The following MNS1 variants were observed in gnomAD, a reference collection of about 807,000 sequenced individuals.
MNS1 encodes the protein meiosis-specific nuclear structural protein 1.
Under a neutral mutation model 72.0 loss-of-function variants are expected in MNS1, and 63 were observed. The ratio of observed to expected loss-of-function variants is 0.87; its 90% CI spans 0.71 to 1.08. The LOEUF is 1.08. MNS1 is among the 50% of genes least tolerant of loss of function. The probability of loss-of-function intolerance (pLI) is 0.00; values close to 1 mark genes in which losing one functional copy is unlikely to be tolerated. For missense variants in MNS1, 604 were observed against 562.4 expected (o/e 1.07, Z -0.75); for synonymous variants, 188 against 172.1 (o/e 1.09, Z -0.72).
chr15:56,452,713 T>G (rs1044647972), intron 3 of MNS1, among the ~76,000 whole-genome samples: 2 of 151,976 alleles, frequency 1.3e-5, no homozygotes, highest in African/African-American at 4.8e-5. Context: ...AGAGACGCGG[T>G]TTCACCGTGT....
intron 2 of MNS1, among the ~76,000 whole-genome samples, chr15:56,463,481 A>G (rs1285189746): frequency 2.0e-5 from 3 of 152,156 alleles, no homozygotes; most frequent in Non-Finnish European, 4.4e-5. Flanking sequence ...TTTTATAGAA[A>G]AAGCATAAAA....
chr15:56,435,830 T>C (rs773646422), intron 7 of MNS1, among the ~76,000 whole-genome samples: 7 of 151,990 alleles, frequency 4.6e-5, no homozygotes, highest in Non-Finnish European at 7.4e-5. Context: ...GAAGATAGTA[T>C]TACCCCGCTA....
intron 3 of MNS1, among the ~76,000 whole-genome samples, chr15:56,450,361 A>C (rs1402153366): frequency 6.6e-6 from 1 of 152,172 alleles, no homozygotes; most frequent in Non-Finnish European, 1.5e-5. Context: ...CACTATTTCC[A>C]AAACTTTTTC....
chr15:56,461,304 C>A (rs1331825129), intron 2 of MNS1, among the ~76,000 whole-genome samples: 1 of 151,160 alleles, frequency 6.6e-6, no homozygotes, highest in Non-Finnish European at 1.5e-5. Context: ...TTATCACAAG[C>A]CTAGAACAGT....
chr15:56,447,326 T>C (rs1424680907), intron 3 of MNS1: 6 of 158,038 alleles, frequency 3.8e-5, no homozygotes, highest in Non-Finnish European at 7.0e-5. Flanking sequence ...AGAATCAGCT[T>C]GTCAGACTTC....
chr15:56,430,847 T>G (rs1319077510), intron 9 of MNS1, among the ~76,000 whole-genome samples: 3 of 152,164 alleles, frequency 2.0e-5, no homozygotes, highest in African/African-American at 7.2e-5. Context: ...TTAGATTTCC[T>G]ACACTAAAAG....
intron 7 of MNS1, among the ~76,000 whole-genome samples, chr15:56,442,869 T>G (rs1245227250): frequency 1.3e-5 from 2 of 151,074 alleles, no homozygotes; most frequent in Non-Finnish European, 2.9e-5. Flanking sequence ...AACCAGCACA[T>G]GTACCTCCTG....
At chr15:56,442,533 G>C (rs1245798876) in intron 7 of MNS1, among the ~76,000 whole-genome samples, 1 of 152,112 alleles carries the variant, frequency 6.6e-6, no homozygotes, top group Non-Finnish European at 1.5e-5. Context: ...TGTGGTACAT[G>C]TACACCACGG....
chr15:56,443,283 A>G (rs779348690), intron 7 of MNS1, 147 bp downstream of exon 7: 7 of 517,772 alleles, frequency 1.4e-5, no homozygotes, highest in Non-Finnish European at 2.2e-5. Flanking sequence ...GCCAGCTTGA[A>G]AATTTCTGTC....
At chr15:56,464,806 C>T (rs1299319786) in intron 1 of MNS1, among the ~76,000 whole-genome samples, 164 bp downstream of exon 1, 1 of 152,174 alleles carries the variant, frequency 6.6e-6, no homozygotes, top group Admixed American at 6.5e-5. Flanking sequence ...GAAACCACCG[C>T]GAGCGTCCCT....
At chr15:56,460,839 AAGAG>A (rs1420189605) in intron 2 of MNS1, among the ~76,000 whole-genome samples, 1 of 152,192 alleles carries the variant, frequency 6.6e-6, no homozygotes, top group African/African-American at 2.4e-5. Flanking sequence ...CAAAAAATAT[AAGAG>A]AGAAATTTTG....
intron 3 of MNS1, among the ~76,000 whole-genome samples, chr15:56,449,593 C>G (rs1269530786): frequency 6.6e-6 from 1 of 152,126 alleles, no homozygotes; most frequent in East Asian, 1.9e-4. Flanking sequence ...CTGATTAAAA[C>G]AAATTGGGAA....
chr15:56,441,594 A>C (rs1300068269), intron 7 of MNS1, among the ~76,000 whole-genome samples: 1 of 152,238 alleles, frequency 6.6e-6, no homozygotes, highest in Non-Finnish European at 1.5e-5. Flanking sequence ...CTTCACAGGA[A>C]ATGAAGTTAT....
At chr15:56,436,405 C>T (rs2050725548) in intron 7 of MNS1, among the ~76,000 whole-genome samples, 1 of 152,038 alleles carries the variant, frequency 6.6e-6, no homozygotes, top group African/African-American at 2.4e-5. Flanking sequence ...TCTTTGAAAC[C>T]AATGAGAACA....
intron 8 of MNS1, among the ~76,000 whole-genome samples, chr15:56,432,849 T>C (rs2050634177): frequency 6.6e-6 from 1 of 152,172 alleles, no homozygotes; most frequent in Non-Finnish European, 1.5e-5. Flanking sequence ...ACTCCTACTT[T>C]GTATAGTTTT....
intron 4 of MNS1, among the ~76,000 whole-genome samples, chr15:56,444,995 A>C (rs993571953): frequency 3.1e-4 from 47 of 152,056 alleles, no homozygotes; most frequent in African/African-American, 1.0e-3. Flanking sequence ...TAAAGCAGTC[A>C]TTATCTTATT....
At position 56,429,197 on chromosome 15, in the gene MNS1, C is replaced by T. The variant is rs763739124; in HGVS notation, c.1396-4G>A. ...CATCCTCTTTTTTAAATACTCCCTA[C>T]GAGAAAAATACTTTGTGGGTTACTT... On this transcript the variant is annotated splice_polypyrimidine_tract_variant and splice_region_variant and intron_variant, in intron 9 of 9. Transcript: ENST00000260453. 1.2e-5 allele frequency: 19 copies of T among 1,571,862 alleles called. No homozygotes were observed. Among genetic ancestry groups the T allele is most frequent in the African/African-American group, 5.5e-5 (4 of 72,748 alleles).
chr15:56,438,408 T>G (rs1039311731), intron 7 of MNS1, among the ~76,000 whole-genome samples: 5 of 152,098 alleles, frequency 3.3e-5, no homozygotes, highest in Non-Finnish European at 5.9e-5. Context: ...AGTCCCTGTT[T>G]AATAAATGGT....
At chr15:56,434,046 T>C in intron 8 of MNS1, 92 bp downstream of exon 8, 1 of 1,356,464 alleles carries the variant, frequency 7.4e-7, no homozygotes, top group Non-Finnish European at 1.0e-6. Flanking sequence ...TTGTCTGGCA[T>C]ATAAAGCTTC....
Sources: gnomAD v4.1 joint callset for allele counts (sites outside exome capture counted in the v4.1 genomes callset) on GRCh38, gnomAD v4.1.1 for gene constraint, MANE v1.5 for transcripts, NCBI Gene and HGNC (gene_info 2026-07-23, HGNC 2026-07-21) for gene names.